Variants in RGPD2 observed in about 807,000 individuals in gnomAD.
The protein encoded by RGPD2 is RANBP2-like and GRIP domain-containing protein 2.
RGPD2 carries 2 observed loss-of-function variants against 36.0 expected under a neutral mutation model. That is an observed-to-expected ratio of 0.06 (90% confidence interval 0.02 to 0.17). RGPD2 has a LOEUF of 0.17. RGPD2 is among the 10% of genes least tolerant of loss of function. The pLI is 1.00. For missense variants in RGPD2, 40 were observed against 464.3 expected, an observed-to-expected ratio of 0.09 and a Z score of 8.40; for synonymous variants, 19 against 163.8, an observed-to-expected ratio of 0.12 and a Z score of 6.75.
chr2:87,964,691 T>C, the RGPD2 span, among the ~76,000 whole-genome samples: 1 of 148,808 alleles, frequency 6.7e-6, no homozygotes, highest in Non-Finnish European at 1.5e-5. Flanking sequence ...TGAAGTTAAA[T>C]ACTAAAAGCC....
chr2:87,979,038 A>C, the RGPD2 span, among the ~76,000 whole-genome samples: 7 of 149,172 alleles, frequency 4.7e-5, no homozygotes, highest in Non-Finnish European at 1.0e-4. Context: ...GTTTGAGACC[A>C]GGCTGGCCAA....
At chr2:87,937,006 G>GA in the RGPD2 span, among the ~76,000 whole-genome samples, 15,700 of 150,596 alleles carry the variant, frequency 0.1, 1,662 homozygotes, top group African/African-American at 0.28. Flanking sequence ...AAGCACTATG[G>GA]AAGATAAAAA....
chr2:87,760,614 TCTC>T (rs1468791432), intron 22 of RGPD2, among the ~76,000 whole-genome samples: 2 of 12,976 alleles, frequency 1.5e-4, no homozygotes, highest in African/African-American at 5.1e-4. Context: ...TCTGTTTCTT[TCTC>T]TTTTTTTTTT....
the RGPD2 span, among the ~76,000 whole-genome samples, chr2:87,924,562 A>G: frequency 1.3e-5 from 2 of 152,246 alleles, no homozygotes; most frequent in Non-Finnish European, 2.9e-5. Context: ...TTTTTAAGTT[A>G]CATGTCGTTT....
At chr2:87,882,778 T>C in the RGPD2 span, among the ~76,000 whole-genome samples, 1 of 152,200 alleles carries the variant, frequency 6.6e-6, no homozygotes, top group Non-Finnish European at 1.5e-5. Flanking sequence ...TTCATCAATG[T>C]TTTATAGTTT....
chr2:87,856,831 GACGAATTTTTTC>G, the RGPD2 span, among the ~76,000 whole-genome samples: 1 of 151,784 alleles, frequency 6.6e-6, no homozygotes. Context: ...CCTTGGTGCA[GACGAATTTTTTC>G]ACTTTTATTT....
the RGPD2 span, among the ~76,000 whole-genome samples, chr2:87,865,320 C>T: frequency 0.038 from 4,339 of 113,638 alleles, no homozygotes; most frequent in African/African-American, 0.1. Flanking sequence ...TTTCGAATTT[C>T]CTCTGCTAAG....
the RGPD2 span, among the ~76,000 whole-genome samples, chr2:87,937,619 C>T: frequency 1.2e-4 from 18 of 151,932 alleles, no homozygotes; most frequent in East Asian, 5.8e-4. Context: ...TTCAGGAGGG[C>T]GCCAAGCCAT....
At chr2:87,871,620 CT>C in the RGPD2 span, among the ~76,000 whole-genome samples, 26 of 152,032 alleles carry the variant, frequency 1.7e-4, no homozygotes, top group Admixed American at 1.3e-3. Flanking sequence ...AATCCCAGCA[CT>C]TTGGGAGGCC....
In RGPD2 at chr2:87,775,514, C is replaced by T. The variant is rs1367005606; in HGVS notation, c.4901-431G>A. ...GGTATCATTATTCAAACTTTACAGA[C>T]GATGAAACAGGCTCACAGTTGACAG... On this transcript the variant is annotated intron_variant, in intron 20 of 22. Transcript: ENST00000398146. 7.2e-5 allele frequency among the ~76,000 whole-genome samples: 11 copies of T among 152,204 alleles called. No homozygotes were observed. In the South Asian group the frequency reaches 8.3e-4, roughly 12 times the overall value.
chr2:87,844,541 T>C, the RGPD2 span, among the ~76,000 whole-genome samples: 2 of 148,670 alleles, frequency 1.3e-5, no homozygotes, highest in Non-Finnish European at 3.0e-5. Flanking sequence ...TTTTACTTTT[T>C]AAAATAATTT....
At chr2:87,919,012 C>T in the RGPD2 span, among the ~76,000 whole-genome samples, 509 of 144,308 alleles carry the variant, frequency 3.5e-3, 4 homozygotes, top group African/African-American at 0.012. Flanking sequence ...GAGAAACACA[C>T]AAACACACAC....
At chr2:87,986,303 T>G in the RGPD2 span, among the ~76,000 whole-genome samples, 8 of 149,896 alleles carry the variant, frequency 5.3e-5, no homozygotes, top group African/African-American at 2.0e-4. Flanking sequence ...CCAGGCTAAT[T>G]TTTGTATTTT....
upstream of RGPD2, among the ~76,000 whole-genome samples, chr2:87,827,194 A>ATG (rs1686836167): frequency 6.6e-6 from 1 of 152,162 alleles, no homozygotes; most frequent in African/African-American, 2.4e-5. Context: ...ATGCGTGTGC[A>ATG]TGTGTGTGTG....
intron 4 of RGPD2, among the ~76,000 whole-genome samples, chr2:87,813,925 C>T (rs1179209226): frequency 1.3e-5 from 2 of 151,698 alleles, no homozygotes; most frequent in South Asian, 4.2e-4. Context: ...GTTAACAGTG[C>T]CTTCAAGTTA....
chr2:87,962,111 T>A, the RGPD2 span, among the ~76,000 whole-genome samples: 1 of 149,196 alleles, frequency 6.7e-6, no homozygotes, highest in Non-Finnish European at 1.5e-5. Context: ...ATACCAAAAT[T>A]TAACAGTAAT....
At position 87,756,082 on chromosome 2, in the gene RGPD2, C is replaced by T; in HGVS notation, c.*1310G>A. 6.4e-5 allele frequency: 1 copy of T among 15,518 alleles called. No homozygotes were observed. The highest frequency in any genetic ancestry group is 2.2e-3 in the South Asian group (1 of 454). 1.0% of individuals were successfully genotyped at this position (15,518 alleles called of 1,614,324 possible). A position where few individuals can be genotyped will look rare whatever the true frequency, so the allele number is the denominator to read the frequency against. On this transcript the variant is annotated 3_prime_UTR_variant, in exon 23 of 23. Transcript: ENST00000398146. Reference sequence around the variant, plus strand: ...ATAAATGTAAGAAAGTTGGAAAATGCAAAGAAACGACTCGTTGTAAGCACA... The same window carrying T: ...ATAAATGTAAGAAAGTTGGAAAATGTAAAGAAACGACTCGTTGTAAGCACA...
the RGPD2 span, among the ~76,000 whole-genome samples, chr2:87,882,942 A>C: frequency 6.6e-6 from 1 of 151,662 alleles, no homozygotes; most frequent in African/African-American, 2.4e-5. Flanking sequence ...TTTATTTTGT[A>C]GCTTAACTGA....
the RGPD2 span, among the ~76,000 whole-genome samples, chr2:87,892,349 A>G: frequency 6.6e-6 from 1 of 151,808 alleles, no homozygotes; most frequent in Non-Finnish European, 1.5e-5. Flanking sequence ...AAGAAAATAT[A>G]TCCTGGACTG....
Sources: allele counts gnomAD v4.1 joint callset (sites outside exome capture counted in the v4.1 genomes callset), GRCh38; gene constraint gnomAD v4.1.1; transcripts MANE v1.5; gene names NCBI Gene and HGNC (gene_info 2026-07-23, HGNC 2026-07-21).